The following ADCY3 variants were observed in gnomAD, a reference collection of about 807,000 sequenced individuals.
The protein encoded by ADCY3 is adenylate cyclase type 3.
ADCY3 carries 70 observed loss-of-function variants against 119.4 expected under a neutral mutation model. The observed-to-expected ratio is 0.59, with a 90% confidence interval of 0.48 to 0.72. ADCY3 has a LOEUF of 0.72. Ranked by LOEUF, ADCY3 falls within the 30% of genes least tolerant of loss-of-function variation. The pLI is 0.00. For synonymous variants in ADCY3, 672 were observed against 621.4 expected, an observed-to-expected ratio of 1.08 and a Z score of -1.21; for missense variants, 1,238 against 1,541.6, an observed-to-expected ratio of 0.80 and a Z score of 3.30.
rs983538966 is a variant in ADCY3 at position 24,898,848 on chromosome 2, G to A, written c.675+19465C>T. Among the ~76,000 whole-genome samples the A allele has an allele frequency of 2.6e-5, 4 of 152,116 alleles. No individual in the cohort carries two copies. Among genetic ancestry groups the A allele is most frequent in the African/African-American group, 9.7e-5 (4 of 41,408 alleles). ...TCAGCAGTGGGAGGTCTGCAGCCTGGGGATAGCTCCAGTTCACACTGGAAA... is the reference window on the plus strand; with the variant it reads ...TCAGCAGTGGGAGGTCTGCAGCCTGAGGATAGCTCCAGTTCACACTGGAAA... On this transcript the variant is annotated intron_variant, in intron 2 of 21. Transcript: ENST00000679454. This position sits in a 1 kb window ranked among gnomAD's most constrained non-coding sequence, Gnocchi z 4.3.
rs1679401742 is a variant in ADCY3, at chr2:24,905,987, A to G, written c.675+12326T>C. 2.0e-5 allele frequency among the ~76,000 whole-genome samples: 3 copies of G among 152,130 alleles called. No individual in the cohort carries two copies. In the South Asian group the frequency reaches 6.2e-4, roughly 32 times the overall value. ...CCAAGACTCACAAGGTCCCTTCACT[A>G]CGCCGTAATTGTGAAGGCCAGCAGG... is the stretch of plus-strand genomic sequence containing the variant. On this transcript the variant is annotated intron_variant, in intron 2 of 21. Coordinates refer to ENST00000679454, the MANE Select transcript of ADCY3 (RefSeq NM_004036.5).
At chr2:24,831,091 G>A (rs1182443386) in intron 12 of ADCY3, among the ~76,000 whole-genome samples, 2 of 152,150 alleles carry the variant, frequency 1.3e-5, no homozygotes, top group South Asian at 2.1e-4. Context: ...GTGGTGACGA[G>A]GTGAGGCCAG....
rs867085059 is a variant in ADCY3 at position 24,878,669 on chromosome 2, G to A, written c.676-5950C>T. Among the ~76,000 whole-genome samples the A allele has an allele frequency of 7.9e-5, 12 of 152,196 alleles. No homozygotes were observed. The highest frequency in any genetic ancestry group is 9.7e-5 in the African/African-American group (4 of 41,450). ...GAGGAGGGGAGGTGGCCCCTCCAAAGGCAACCAGCCTTCTCCCACCCAAGG... is the reference window on the plus strand; with the variant it reads ...GAGGAGGGGAGGTGGCCCCTCCAAAAGCAACCAGCCTTCTCCCACCCAAGG... On this transcript the variant is annotated intron_variant, in intron 2 of 21. Coordinates refer to ENST00000679454, the MANE Select transcript of ADCY3 (RefSeq NM_004036.5). The surrounding 1 kb of genome is among the most constrained non-coding windows in gnomAD (Gnocchi z 4.0).
At chr2:24,838,844 T>C in intron 7 of ADCY3, 1 of 1,607,762 alleles carries the variant, frequency 6.2e-7, no homozygotes, top group Non-Finnish European at 8.5e-7. Flanking sequence ...GTATGGCACT[T>C]ACTCCCATCT....
chr2:24,824,408 G>C lies in ADCY3; in HGVS notation c.2706C>G (p.Arg902=), dbSNP rs1668300000. Residue 902 remains arginine (R), a synonymous_variant, in exon 17 of 22, where the codon CGC becomes CGG. Transcript: ENST00000679454. The part of the protein sequence containing the change: ...VTNMLPEHVA[R]HFLGSKKRDE... ...CTCTCTTCTTGGACCCCAGGAAATG[G>C]CGTGCCACGTGCTCAGGCAACATGT... is the stretch of plus-strand genomic sequence containing the variant. 1 of 1,614,220 alleles carries C rather than the reference G, an allele frequency of 6.2e-7. No homozygotes were observed.
At chr2:24,826,351 C>T in intron 15 of ADCY3, 2 of 536,128 alleles carry the variant, frequency 3.7e-6, no homozygotes, top group Non-Finnish European at 6.7e-6. Context: ...CTCCTGGCTG[C>T]ACCTGGTATT....
rs772293701 is a variant in ADCY3, at chr2:24,918,543, C to T, written c.445G>A (p.Ala149Thr). The T allele has an allele frequency of 3.1e-6, 5 of 1,613,836 alleles. No individual in the cohort carries two copies. Among genetic ancestry groups the T allele is most frequent in the African/African-American group, 1.3e-5 (1 of 74,942 alleles). Residue 149 changes from alanine (A) to threonine (T), a missense_variant, in exon 2 of 22, where the codon GCC becomes ACC. This residue lies in a region of ADCY3 where 227 missense variants were observed against 249.3 expected (regional missense o/e 0.91). Coordinates refer to ENST00000679454, the MANE Select transcript of ADCY3 (RefSeq NM_004036.5). The surrounding 1 kb of genome is among the most constrained non-coding windows in gnomAD (Gnocchi z 5.4). ...LPYVLWLLITAQIFSYLGLNF... is the reference protein window; with the variant it reads ...LPYVLWLLITTQIFSYLGLNF... ...AGGCCCAGGTAGGAGAAGATCTGGG[C>T]GGTTATGAGCAGCCACAGCACGTAG...
chr2:24,855,733 C>T (rs1337489275), intron 3 of ADCY3, among the ~76,000 whole-genome samples: 1 of 152,218 alleles, frequency 6.6e-6, no homozygotes, highest in Admixed American at 6.5e-5. Context: ...GGAAGAAGCA[C>T]CCAGGCCTGC....
intron 2 of ADCY3, among the ~76,000 whole-genome samples, chr2:24,896,151 C>T (rs1371584655): frequency 2.0e-5 from 3 of 151,988 alleles, no homozygotes; most frequent in African/African-American, 4.8e-5. Flanking sequence ...TTTGGGAGGC[C>T]GAGATGGGCA....
intron 18 of ADCY3, 77 bp downstream of exon 18, chr2:24,823,132 C>A: frequency 6.6e-7 from 1 of 1,507,478 alleles, no homozygotes; most frequent in Admixed American, 2.2e-5. Context: ...TTTCTCTGGC[C>A]TCTGCAGCCT....
rs775125179 is a variant in ADCY3, at chr2:24,820,811, T to C, written c.3165A>G (p.Gly1055=). 1.2e-6 allele frequency: 2 copies of C among 1,614,050 alleles called. No individual in the cohort carries two copies. The highest frequency in any genetic ancestry group is 1.7e-6 in the Non-Finnish European group (2 of 1,179,990). The change falls in exon 21 of 22, where the codon GGA becomes GGG. Residue 1055 remains glycine, a synonymous_variant. Coordinates refer to ENST00000679454, the MANE Select transcript of ADCY3 (RefSeq NM_004036.5). ...NKGGVLAGVI[G]ARKPHYDIWG... ...AGATGTCGTAGTGTGGTTTCCGGGC[T>C]CCGATGACCCCAGCCAGAACCCCGC...
rs1671126657 is a variant in ADCY3 at position 24,842,424 on chromosome 2, C to T, written c.826-40G>A. 1 of 1,612,778 alleles carries T rather than the reference C, an allele frequency of 6.2e-7. No homozygotes were observed. The highest frequency in any genetic ancestry group is 8.5e-7 in the Non-Finnish European group (1 of 1,179,446). On this transcript the variant is annotated intron_variant, in intron 3 of 21. Transcript: ENST00000679454. The surrounding 1 kb of genome is among the most constrained non-coding windows in gnomAD (Gnocchi z 4.9). ...AGAGGGTCAGAGGCAAAGGTAGGCC[C>T]TGCTAGAGGCAAGTTCAGATACTTC...
At chr2:24,873,781 C>T (rs1675314638) in intron 2 of ADCY3, among the ~76,000 whole-genome samples, 1 of 152,220 alleles carries the variant, frequency 6.6e-6, no homozygotes, top group South Asian at 2.1e-4. Flanking sequence ...GCGCCAGCTC[C>T]ATGCCCTTCC....
At chr2:24,866,047 C>T (rs898824930) in intron 3 of ADCY3, among the ~76,000 whole-genome samples, 4 of 152,158 alleles carry the variant, frequency 2.6e-5, no homozygotes, top group Non-Finnish European at 5.9e-5. Flanking sequence ...TTTCTGTACA[C>T]TATTACCCTT....
chr2:24,875,570 T>C (rs1377167883), intron 2 of ADCY3, among the ~76,000 whole-genome samples: 2 of 152,196 alleles, frequency 1.3e-5, no homozygotes, highest in Non-Finnish European at 2.9e-5. Flanking sequence ...CAGGGTCACC[T>C]GGGAAGGTGG....
At position 24,820,847 on chromosome 2, in the gene ADCY3, G is replaced by A. The variant is rs1180695219; in HGVS notation, c.3129C>T (p.Gly1043=). 6.2e-7 allele frequency: 1 copy of A among 1,613,886 alleles called. No homozygotes were observed. Among genetic ancestry groups the A allele is most frequent in the East Asian group, 2.2e-5 (1 of 44,876 alleles). ...CAGCCAGAACCCCGCCTTTGTTCAT[G>A]CCTAGGGTAGAGGCATAAAGTTCAG... The part of the protein sequence containing the change: ...QSFNNFMLRI[G]MNKGGVLAGV... The change falls in exon 21 of 22, where the codon GGC becomes GGT. Residue 1043 remains glycine (G), a splice_region_variant and synonymous_variant. Coordinates refer to ENST00000679454, the MANE Select transcript of ADCY3 (RefSeq NM_004036.5).
chr2:24,865,261 G>A (rs774515094), intron 3 of ADCY3, among the ~76,000 whole-genome samples: 18 of 151,926 alleles, frequency 1.2e-4, no homozygotes, highest in Non-Finnish European at 2.5e-4. Flanking sequence ...CCTGGCCAAC[G>A]TGGTGAAACC....
In ADCY3 at chr2:24,819,902, C is replaced by A. The variant is rs557677251; in HGVS notation, c.*30G>T. Reference sequence around the variant, plus strand: ...GTTTCAAAAAATAAATTCTCCCTTCCGGTTTGGACTGTTGCAGGCTCGAGG... The same window carrying A: ...GTTTCAAAAAATAAATTCTCCCTTCAGGTTTGGACTGTTGCAGGCTCGAGG... On this transcript the variant is annotated 3_prime_UTR_variant, in exon 22 of 22. Transcript: ENST00000679454. 1.9e-6 allele frequency: 3 copies of A among 1,602,066 alleles called. No individual in the cohort carries two copies. The highest frequency in any genetic ancestry group is 3.3e-4 in the Middle Eastern group (2 of 5,984).
At position 24,919,852 on chromosome 2, in the gene ADCY3, G is replaced by C. The variant is rs1490995493; in HGVS notation, c.-367C>G. On this transcript the variant is annotated 5_prime_UTR_variant, in exon 1 of 22. Transcript: ENST00000679454. This position sits in a 1 kb window ranked among gnomAD's most constrained non-coding sequence, Gnocchi z 5.5. ...GCCGTCAGGCCCGGGATCCGACCGG[G>C]AGAGGCGCAGGGCTGCCCCTCAGCA... 1 of 151,014 alleles carries C rather than the reference G, an allele frequency of 6.6e-6. No individual in the cohort carries two copies. The highest frequency in any genetic ancestry group is 1.5e-5 in the Non-Finnish European group (1 of 67,646). The allele number at this position is 151,014 out of a possible 1,614,324, so 9.4% of individuals were successfully genotyped here. A position where few individuals can be genotyped will look rare whatever the true frequency, so the allele number is the denominator to read the frequency against.
Sources: gnomAD v4.1 joint callset for allele counts (sites outside exome capture counted in the v4.1 genomes callset) on GRCh38, gnomAD v4.1.1 for gene constraint, gnomAD v4.1.1 regional missense constraint, Gnocchi (gnomAD v3.1) non-coding constraint, MANE v1.5 for transcripts, NCBI Gene and HGNC (gene_info 2026-07-23, HGNC 2026-07-21) for gene names.